The following CCDC7 variants were observed in gnomAD, a reference collection of about 807,000 sequenced individuals.
CCDC7 encodes coiled-coil domain-containing protein 7.
Under a neutral mutation model 196.9 loss-of-function variants are expected in CCDC7, and 183 were observed. That is an observed-to-expected ratio of 0.93 (90% CI 0.82 to 1.05). The LOEUF is 1.05. Ranked by LOEUF, CCDC7 falls within the 50% of genes least tolerant of loss-of-function variation. The pLI, the probability that CCDC7 is intolerant of heterozygous loss-of-function variation, is 0.00. For synonymous variants in CCDC7, 525 were observed against 484.6 expected (o/e 1.08, Z -1.10); for missense variants, 1,540 against 1,482.2 (o/e 1.04, Z -0.64).
At chr10:32,461,723 A>G (rs1421613278) in intron 3 of CCDC7, among the ~76,000 whole-genome samples, 759 of 23,000 alleles carry the variant, frequency 0.033, 2 homozygotes, top group Middle Eastern at 0.06. Flanking sequence ...ATATATATAT[A>G]TATATATGTA....
intron 9 of CCDC7, among the ~76,000 whole-genome samples, chr10:32,510,561 T>C (rs1353265493): frequency 6.6e-6 from 1 of 152,202 alleles, no homozygotes; most frequent in Non-Finnish European, 1.5e-5. Context: ...TTCATGGGTA[T>C]ATTCATATCC....
intron 15 of CCDC7, among the ~76,000 whole-genome samples, chr10:32,569,180 C>G (rs2057259777): frequency 6.6e-6 from 1 of 152,070 alleles, no homozygotes; most frequent in Admixed American, 6.6e-5. Flanking sequence ...ATCTTATATG[C>G]TAGGTTCTTT....
At chr10:32,853,550 A>G (rs980060267) in intron 40 of CCDC7, among the ~76,000 whole-genome samples, 7 of 152,174 alleles carry the variant, frequency 4.6e-5, no homozygotes, top group African/African-American at 1.4e-4. Context: ...TACCATTCAA[A>G]TGTTTCACCT....
At chr10:32,645,644 G>T (rs780909399) in intron 20 of CCDC7, among the ~76,000 whole-genome samples, 1 of 151,682 alleles carries the variant, frequency 6.6e-6, no homozygotes, top group South Asian at 2.1e-4. Flanking sequence ...GTAGCAGTCA[G>T]CAGTGAACCC....
At chr10:32,858,139 C>T (rs1011929427) in intron 41 of CCDC7, among the ~76,000 whole-genome samples, 1 of 152,078 alleles carries the variant, frequency 6.6e-6, no homozygotes, top group Non-Finnish European at 1.5e-5. Context: ...TAATTAAAAG[C>T]GTTTCAACAA....
chr10:32,627,381 C>T (rs565784945), intron 18 of CCDC7, among the ~76,000 whole-genome samples: 27 of 151,864 alleles, frequency 1.8e-4, no homozygotes, highest in African/African-American at 5.8e-4. Flanking sequence ...ATTTGTATTG[C>T]GCAACTTTAT....
chr10:32,553,489 C>G (rs1589805467), intron 13 of CCDC7, among the ~76,000 whole-genome samples: 1 of 152,080 alleles, frequency 6.6e-6, no homozygotes, highest in Non-Finnish European at 1.5e-5. Flanking sequence ...TGTTAAAGAG[C>G]CTTGTTTTGT....
At chr10:32,695,136 G>A (rs1434103883) in intron 24 of CCDC7, 144 bp downstream of exon 25, 2 of 400,606 alleles carry the variant, frequency 5.0e-6, no homozygotes, top group Non-Finnish European at 9.0e-6. Flanking sequence ...AATAACTAGA[G>A]AACAAAAGCC....
intron 39 of CCDC7, among the ~76,000 whole-genome samples, chr10:32,851,103 T>A (rs1205141101): frequency 2.0e-5 from 3 of 152,184 alleles, no homozygotes; most frequent in Non-Finnish European, 4.4e-5. Context: ...ATCTTTATTT[T>A]TTTTTCTTCT....
At chr10:32,676,019 A>G (rs1306755406) in intron 21 of CCDC7, among the ~76,000 whole-genome samples, 7 of 151,774 alleles carry the variant, frequency 4.6e-5, no homozygotes, top group African/African-American at 1.5e-4. Context: ...AGAGCATGGT[A>G]CTGGTACCAA....
At chr10:32,641,544 G>A (rs1377338684) in intron 20 of CCDC7, among the ~76,000 whole-genome samples, 6 of 152,104 alleles carry the variant, frequency 3.9e-5, no homozygotes, top group Middle Eastern at 3.2e-3. Flanking sequence ...ATTCTAGTTA[G>A]CCATTCATCT....
At chr10:32,808,900 G>A (rs2086449124) in intron 30 of CCDC7, among the ~76,000 whole-genome samples, 1 of 152,138 alleles carries the variant, frequency 6.6e-6, no homozygotes, top group Admixed American at 6.5e-5. Flanking sequence ...CCCAGGGTAG[G>A]CATGGTGACT....
At chr10:32,689,896 G>A (rs929357214) in intron 23 of CCDC7, among the ~76,000 whole-genome samples, 6 of 152,034 alleles carry the variant, frequency 3.9e-5, no homozygotes, top group African/African-American at 1.4e-4. Context: ...CACCACGTCT[G>A]CCTAATTTTT....
chr10:32,577,247 A>C (rs1395131060), intron 16 of CCDC7, among the ~76,000 whole-genome samples: 2 of 152,062 alleles, frequency 1.3e-5, no homozygotes, highest in Non-Finnish European at 2.9e-5. Context: ...CTGTAGTCCC[A>C]GCTACTTAGG....
intron 28 of CCDC7, among the ~76,000 whole-genome samples, chr10:32,750,269 G>A (rs1307106291): frequency 1.3e-5 from 2 of 152,104 alleles, no homozygotes; most frequent in African/African-American, 4.8e-5. Flanking sequence ...CTAGTTATGG[G>A]TATATAAGTC....
At chr10:32,717,610 CA>C (rs1244838060) in intron 25 of CCDC7, among the ~76,000 whole-genome samples, 10 of 149,694 alleles carry the variant, frequency 6.7e-5, no homozygotes, top group Non-Finnish European at 1.0e-4. Context: ...AAAAATTTAA[CA>C]AAATAGATAG....
intron 20 of CCDC7, among the ~76,000 whole-genome samples, chr10:32,638,159 A>C (rs1018533607): frequency 1.3e-5 from 2 of 152,206 alleles, no homozygotes; most frequent in African/African-American, 4.8e-5. Context: ...CTAGATATAC[A>C]ATCATGTCAT....
chr10:32,571,134 G>A (rs891444872), intron 15 of CCDC7, among the ~76,000 whole-genome samples: 11 of 149,588 alleles, frequency 7.4e-5, no homozygotes, highest in Admixed American at 2.0e-4. Context: ...TCAGCCTCCC[G>A]AGTAGCTGGG....
chr10:32,646,498 C>G (rs1308304813), intron 20 of CCDC7, among the ~76,000 whole-genome samples: 1 of 152,132 alleles, frequency 6.6e-6, no homozygotes, highest in Admixed American at 6.5e-5. Flanking sequence ...TATTCTCTAG[C>G]TGTTGGGTGA....
Sources: allele counts gnomAD v4.1 joint callset (sites outside exome capture counted in the v4.1 genomes callset), GRCh38; gene constraint gnomAD v4.1.1; transcripts MANE v1.5; gene names NCBI Gene and HGNC (gene_info 2026-07-23, HGNC 2026-07-21).